FAF1: variants seen among roughly 807,000 people sequenced by gnomAD.
FAF1 encodes Fas associated factor 1.
In FAF1, 25 loss-of-function variants were observed where a neutral mutation model predicts 92.5. That is an observed-to-expected ratio of 0.27 (90% CI 0.20 to 0.38). The LOEUF (loss-of-function observed/expected upper bound fraction) is 0.38. Ranked by LOEUF, FAF1 falls within the 10% of genes least tolerant of loss-of-function variation. The pLI is 1.00. For synonymous variants in FAF1, 234 were observed against 273.2 expected (o/e 0.86, Z 1.42); for missense variants, 636 against 793.3 (o/e 0.80, Z 2.38).
At chr1:50,516,204 A>C (rs139481340) in intron 15 of FAF1, among the ~76,000 whole-genome samples, 8 of 152,316 alleles carry the variant, frequency 5.3e-5, no homozygotes, top group Admixed American at 3.9e-4. Context: ...ACTTACAGTT[A>C]TCTCTCATGA....
At chr1:50,787,420 T>G (rs1003844285) in intron 4 of FAF1, among the ~76,000 whole-genome samples, 2 of 151,946 alleles carry the variant, frequency 1.3e-5, no homozygotes, top group African/African-American at 4.8e-5. Flanking sequence ...ATGAAGGGAG[T>G]CTGTCCCTTT....
At chr1:50,751,471 G>A (rs1001077885) in intron 4 of FAF1, among the ~76,000 whole-genome samples, 1 of 152,050 alleles carries the variant, frequency 6.6e-6, no homozygotes, top group Non-Finnish European at 1.5e-5. Flanking sequence ...AGCCTCCCAT[G>A]TAGCTGGGAC....
intron 1 of FAF1, among the ~76,000 whole-genome samples, chr1:50,911,688 C>T (rs1644886848): frequency 6.6e-6 from 1 of 151,940 alleles, no homozygotes; most frequent in Non-Finnish European, 1.5e-5. Flanking sequence ...CAGAGTGAGA[C>T]TCTGTCTCCA....
rs1003919904 is a variant in FAF1, at chr1:50,573,829, A to C, written c.1114-6598T>G. On this transcript the variant is annotated intron_variant, in intron 12 of 18. Coordinates refer to ENST00000396153, the MANE Select transcript of FAF1 (RefSeq NM_007051.3). ...AGAGGGTTAAAAACAAAAAAAAAAA[A>C]AACAAAACAAAGCCTTCCCTAGGTG... 2.6e-5 allele frequency among the ~76,000 whole-genome samples: 4 copies of C among 151,444 alleles called. No homozygotes were observed. The East Asian group carries it at 7.8e-4, about 29-fold the overall frequency.
In FAF1 at chr1:50,480,561, TA is replaced by T. The variant is rs1208171363; in HGVS notation, c.1654-4883del. ...GCAAAATAGCAGTGAACAAAATAGATAAAAAATTCTGCCTAAATGGAGCCTA... is the reference window on the plus strand; with the variant it reads ...GCAAAATAGCAGTGAACAAAATAGATAAAAATTCTGCCTAAATGGAGCCTA... On this transcript the variant is annotated intron_variant, in intron 17 of 18. Coordinates refer to ENST00000396153, the MANE Select transcript of FAF1 (RefSeq NM_007051.3). Among the ~76,000 whole-genome samples, 5 of 152,216 alleles carry T rather than the reference TA, an allele frequency of 3.3e-5. No individual in the cohort carries two copies. In the East Asian group the frequency reaches 9.6e-4, roughly 29 times the overall value.
At chr1:50,920,464 T>C (rs1290488943) in intron 1 of FAF1, among the ~76,000 whole-genome samples, 1 of 152,182 alleles carries the variant, frequency 6.6e-6, no homozygotes, top group Non-Finnish European at 1.5e-5. Context: ...ACGTGGCAGA[T>C]GCACCCAAGA....
At chr1:50,469,521 A>G (rs1646543825) in intron 18 of FAF1, 1 of 152,174 alleles carries the variant, frequency 6.6e-6, no homozygotes, top group Non-Finnish European at 1.5e-5. Flanking sequence ...ACGGTGTGAA[A>G]TTTTGAAGAT....
chr1:50,737,410 A>G (rs1659187588), intron 6 of FAF1, among the ~76,000 whole-genome samples: 2 of 152,228 alleles, frequency 1.3e-5, no homozygotes, highest in South Asian at 4.1e-4. Flanking sequence ...AATTATGTGG[A>G]TTACCTATTT....
At chr1:50,653,800 G>C (rs1312405388) in intron 8 of FAF1, among the ~76,000 whole-genome samples, 1 of 152,032 alleles carries the variant, frequency 6.6e-6, no homozygotes, top group Non-Finnish European at 1.5e-5. Flanking sequence ...AACCCAGGAG[G>C]TGGAGGTTGC....
chr1:50,915,230 C>T (rs772254863), intron 1 of FAF1, among the ~76,000 whole-genome samples: 29 of 151,998 alleles, frequency 1.9e-4, no homozygotes, highest in Non-Finnish European at 4.0e-4. Flanking sequence ...ATCAGCTGGC[C>T]ACGGTGGTAC....
At chr1:50,513,667 T>C (rs1370514646) in intron 15 of FAF1, among the ~76,000 whole-genome samples, 2 of 152,202 alleles carry the variant, frequency 1.3e-5, no homozygotes, top group Admixed American at 1.3e-4. Context: ...CTAATGAATA[T>C]CCTCCTACCT....
intron 8 of FAF1, among the ~76,000 whole-genome samples, chr1:50,637,273 TAAAAA>T (rs1172030649): frequency 1.0e-5 from 1 of 97,232 alleles, no homozygotes. Flanking sequence ...CCATTTCTAC[TAAAAA>T]AAAAAAAAAA....
chr1:50,559,009 G>T (rs950828292), intron 13 of FAF1, among the ~76,000 whole-genome samples: 4 of 152,186 alleles, frequency 2.6e-5, no homozygotes, highest in Non-Finnish European at 4.4e-5. Flanking sequence ...CCAGCACTTT[G>T]AGAGGCCAAT....
chr1:50,650,027 G>A (rs765623868), intron 8 of FAF1, among the ~76,000 whole-genome samples: 3 of 152,030 alleles, frequency 2.0e-5, no homozygotes, highest in Non-Finnish European at 4.4e-5. Context: ...GCTCATGCCT[G>A]TAATCCCAGC....
chr1:50,945,382 T>C lies in FAF1; in HGVS notation c.45+14385A>G, dbSNP rs887610606. 2.0e-5 allele frequency among the ~76,000 whole-genome samples: 3 copies of C among 152,192 alleles called. No individual in the cohort carries two copies. In the South Asian group the frequency reaches 6.2e-4, roughly 32 times the overall value. On this transcript the variant is annotated intron_variant, in intron 1 of 18. Transcript: ENST00000396153. ...GGTCAAAGGTCCAATGTATTCAATC[T>C]GCCAGGAGCAAGCAGGAGCCACATC...
intron 1 of FAF1, among the ~76,000 whole-genome samples, chr1:50,883,271 GAATA>G (rs1174904845): frequency 9.2e-5 from 14 of 152,096 alleles, no homozygotes; most frequent in Admixed American, 3.3e-4. Context: ...ATAATACACT[GAATA>G]AATAAAAATC....
chr1:50,516,985 T>C (rs557989202), intron 15 of FAF1, among the ~76,000 whole-genome samples: 1 of 152,356 alleles, frequency 6.6e-6, no homozygotes, highest in South Asian at 2.1e-4. Flanking sequence ...GGTTGTATTC[T>C]TTGTATTTAC....
intron 1 of FAF1, among the ~76,000 whole-genome samples, chr1:50,942,990 T>C (rs983607881): frequency 6.6e-6 from 1 of 152,182 alleles, no homozygotes; most frequent in Non-Finnish European, 1.5e-5. Flanking sequence ...CTATCTAGTC[T>C]GGTAGCAATA....
intron 15 of FAF1, among the ~76,000 whole-genome samples, chr1:50,530,238 G>GGT (rs72220248): frequency 0.064 from 8,995 of 141,564 alleles, 339 homozygotes; most frequent in African/African-American, 0.11. Flanking sequence ...TTTAAGAAGT[G>GGT]GTGTGTGTGT....
Sources: gnomAD v4.1 joint callset for allele counts (sites outside exome capture counted in the v4.1 genomes callset) on GRCh38, gnomAD v4.1.1 for gene constraint, MANE v1.5 for transcripts, NCBI Gene and HGNC (gene_info 2026-07-23, HGNC 2026-07-21) for gene names.